The following PGBD5 variants were observed in gnomAD, a reference collection of about 807,000 sequenced individuals.
PGBD5 encodes piggyBac transposable element derived 5.
PGBD5 carries 14 observed loss-of-function variants against 47.9 expected under a neutral mutation model. The ratio of observed to expected loss-of-function variants is 0.29; its 90% CI spans 0.19 to 0.46. PGBD5 has a LOEUF of 0.46. PGBD5 is among the 20% of genes least tolerant of loss of function. The pLI is 1.00. For missense variants in PGBD5, 635 were observed against 716.0 expected (o/e 0.89, Z 1.29); for synonymous variants, 316 against 306.3 (o/e 1.03, Z -0.33).
chr1:230,348,903 G>A (rs1304471854), intron 3 of PGBD5, among the ~76,000 whole-genome samples: 4 of 152,244 alleles, frequency 2.6e-5, no homozygotes, highest in Non-Finnish European at 5.9e-5. Flanking sequence ...TTTGAGGGCT[G>A]CCCCTGGCAA....
At chr1:230,423,807 T>C (rs1657712407) in intron 1 of PGBD5, among the ~76,000 whole-genome samples, 1 of 152,322 alleles carries the variant, frequency 6.6e-6, no homozygotes. Context: ...AAGGACCTGA[T>C]TCTTCGGTCC....
At chr1:230,347,636 T>C (rs1287799458) in intron 3 of PGBD5, among the ~76,000 whole-genome samples, 1 of 152,042 alleles carries the variant, frequency 6.6e-6, no homozygotes, top group African/African-American at 2.4e-5. Context: ...TGCGCCACCA[T>C]GCCTGGCTAA....
At position 230,332,983 on chromosome 1, in the gene PGBD5, C is replaced by T. The variant is rs1295273202; in HGVS notation, c.1134G>A (p.Leu378=). ...GTGTGGCTGGGTTGGTCAGCATGGA[C>T]AGTGGGAGGCCGGTGCAGTCACTCT... ...ARKSDCTGLP[L]SMLTNPATPP... The change falls in exon 5 of 7, where the codon CTG becomes CTA. Residue 378 remains leucine (L), a synonymous_variant. Coordinates refer to ENST00000391860, the MANE Select transcript of PGBD5 (RefSeq NM_001258311.2). 7 of 1,613,544 alleles carry T rather than the reference C, an allele frequency of 4.3e-6. No individual in the cohort carries two copies. The highest frequency in any genetic ancestry group is 2.7e-5 in the African/African-American group (2 of 74,944).
intron 1 of PGBD5, among the ~76,000 whole-genome samples, chr1:230,369,068 G>C (rs1178251764): frequency 6.6e-6 from 1 of 152,240 alleles, no homozygotes; most frequent in Non-Finnish European, 1.5e-5. Context: ...GAAGGCCTTG[G>C]CCACAGGCCA....
At chr1:230,407,827 T>C (rs986692594) in intron 1 of PGBD5, among the ~76,000 whole-genome samples, 1 of 152,156 alleles carries the variant, frequency 6.6e-6, no homozygotes, top group African/African-American at 2.4e-5. Context: ...AAGTAAAAAT[T>C]ATAATCGGGG....
intron 1 of PGBD5, among the ~76,000 whole-genome samples, chr1:230,363,668 G>A (rs572115675): frequency 3.9e-4 from 59 of 152,240 alleles, no homozygotes; most frequent in Non-Finnish European, 6.5e-4. Context: ...CAGTGAAAAG[G>A]GAATTTTGCA....
At chr1:230,396,238 AC>A (rs1656961917) in intron 1 of PGBD5, among the ~76,000 whole-genome samples, 1 of 7,550 alleles carries the variant, frequency 1.3e-4, no homozygotes, top group East Asian at 6.6e-3. Context: ...TTACCCCCAC[AC>A]TCCTCCCTTT....
chr1:230,327,069 C>T (rs1370705073), intron 5 of PGBD5, among the ~76,000 whole-genome samples: 1 of 152,128 alleles, frequency 6.6e-6, no homozygotes, highest in East Asian at 1.9e-4. Context: ...ATGCGCCACC[C>T]ACCGCAGACA....
At chr1:230,330,539 A>T (rs921212193) in intron 5 of PGBD5, among the ~76,000 whole-genome samples, 2 of 149,214 alleles carry the variant, frequency 1.3e-5, no homozygotes, top group Non-Finnish European at 2.9e-5. Context: ...TTCATGCAAA[A>T]AAGAACTCTA....
intron 1 of PGBD5, among the ~76,000 whole-genome samples, chr1:230,394,626 A>C (rs373231260): frequency 2.3e-3 from 196 of 86,600 alleles, no homozygotes; most frequent in African/African-American, 8.3e-3. Flanking sequence ...TCTCATTCCT[A>C]CCCTCCTCCC....
chr1:230,375,723 G>A (rs1668001577), intron 1 of PGBD5, among the ~76,000 whole-genome samples: 1 of 147,788 alleles, frequency 6.8e-6, no homozygotes, highest in African/African-American at 2.5e-5. Flanking sequence ...ATATCCAGGA[G>A]GTCATTGGCA....
intron 2 of PGBD5, among the ~76,000 whole-genome samples, chr1:230,353,334 T>C (rs79732459): frequency 3.1e-3 from 471 of 152,292 alleles, no homozygotes; most frequent in Non-Finnish European, 5.0e-3. Context: ...CATTTATTGA[T>C]TTGCACAATC....
chr1:230,338,077 A>C (rs988919734), intron 3 of PGBD5, among the ~76,000 whole-genome samples: 14 of 152,262 alleles, frequency 9.2e-5, no homozygotes, highest in Non-Finnish European at 2.1e-4. Context: ...CTGCTAGAGA[A>C]GTTCATAGAT....
At chr1:230,360,032 TTGCAGCCTCCGGTGGG>T (rs1472825285) in intron 1 of PGBD5, among the ~76,000 whole-genome samples, 1 of 152,156 alleles carries the variant, frequency 6.6e-6, no homozygotes, top group Non-Finnish European at 1.5e-5. Context: ...CAGCACAGCC[TTGCAGCCTCCGGTGGG>T]TGCAGCCGTC....
At position 230,315,863 on chromosome 1, in the gene PGBD5, T is replaced by C. The variant is rs1666929178; in HGVS notation, c.*7562A>G. 1 of 148,686 alleles carries C rather than the reference T, an allele frequency of 6.7e-6. No homozygotes were observed. The highest frequency in any genetic ancestry group is 1.5e-5 in the Non-Finnish European group (1 of 66,958). The allele number at this position is 148,686 out of a possible 1,614,324, so 9.2% of individuals were successfully genotyped here. Reference sequence around the variant, plus strand: ...AGATGCATATCTGTATACATGTGTATATATATACATATATGGATACATACA... The same window carrying C: ...AGATGCATATCTGTATACATGTGTACATATATACATATATGGATACATACA... On this transcript the variant is annotated 3_prime_UTR_variant, in exon 7 of 7. Coordinates refer to ENST00000391860, the MANE Select transcript of PGBD5 (RefSeq NM_001258311.2).
chr1:230,409,965 C>T (rs954097510), intron 1 of PGBD5, among the ~76,000 whole-genome samples: 2 of 151,988 alleles, frequency 1.3e-5, no homozygotes, highest in East Asian at 1.9e-4. Context: ...TAAATGTGTA[C>T]ATATTGATTT....
intron 1 of PGBD5, among the ~76,000 whole-genome samples, chr1:230,396,816 G>A (rs1558211007): frequency 6.6e-6 from 1 of 152,072 alleles, no homozygotes; most frequent in African/African-American, 2.4e-5. Flanking sequence ...GCATACACTG[G>A]CGGAGAGGCA....
chr1:230,363,454 C>T lies in PGBD5; in HGVS notation c.332-6133G>A, dbSNP rs567077945. ...AAAATTAGCTGGGTGTGGTGGCGGGCGCCTGTAGTCCCAGCTACTCGGAAG... is the reference window on the plus strand; with the variant it reads ...AAAATTAGCTGGGTGTGGTGGCGGGTGCCTGTAGTCCCAGCTACTCGGAAG... On this transcript the variant is annotated intron_variant, in intron 1 of 6. Transcript: ENST00000391860. 1.2e-4 allele frequency among the ~76,000 whole-genome samples: 19 copies of T among 152,130 alleles called. No individual in the cohort carries two copies. In the East Asian group the frequency reaches 3.3e-3, roughly 26 times the overall value.
intron 1 of PGBD5, among the ~76,000 whole-genome samples, chr1:230,371,484 G>A (rs1354841270): frequency 1.3e-5 from 2 of 152,158 alleles, no homozygotes; most frequent in Admixed American, 6.5e-5. Flanking sequence ...AGTCACAAAG[G>A]TTACTGCCAC....
Sources: allele counts gnomAD v4.1 joint callset (sites outside exome capture counted in the v4.1 genomes callset), GRCh38; gene constraint gnomAD v4.1.1; transcripts MANE v1.5; gene names NCBI Gene and HGNC (gene_info 2026-07-23, HGNC 2026-07-21).